Variants in TRABD2B observed in about 807,000 individuals in gnomAD.
The protein encoded by TRABD2B is metalloprotease TIKI2.
In TRABD2B, 14 loss-of-function variants were observed where a neutral mutation model predicts 40.1. The ratio of observed to expected loss-of-function variants is 0.35; its 90% CI spans 0.23 to 0.55. The LOEUF is 0.55. Ranked by LOEUF, TRABD2B falls within the 20% of genes least tolerant of loss-of-function variation. The pLI is 0.90. For missense variants in TRABD2B, 541 were observed against 648.6 expected, an observed-to-expected ratio of 0.83 and a Z score of 1.80; for synonymous variants, 263 against 277.0, an observed-to-expected ratio of 0.95 and a Z score of 0.50.
Position 47,994,049 on chromosome 1 carries a change from C to T in TRABD2B, c.651G>A (p.Gly217=), listed in dbSNP as rs563378045. The T allele has an allele frequency of 2.0e-5, 30 of 1,534,908 alleles. No individual in the cohort carries two copies. In the South Asian group the frequency reaches 3.3e-4, roughly 17 times the overall value. Residue 217 remains glycine, a synonymous_variant, in exon 2 of 7, where the codon GGG becomes GGA. Coordinates refer to ENST00000606738, the MANE Select transcript of TRABD2B (RefSeq NM_001194986.2). This position sits in a 1 kb window ranked among gnomAD's most constrained non-coding sequence, Gnocchi z 6.7. ...GCATGCCTACCTGGGAGAAGTTGAG[C>T]CCGTTGTTGAGGGGATGGCACTGCT... is the stretch of plus-strand genomic sequence containing the variant. ...VEEQCHPLNN[G]LNFSQVLFAL... is the part of the protein sequence containing the mutation.
intron 2 of TRABD2B, among the ~76,000 whole-genome samples, chr1:47,944,301 G>T (rs1200964072): frequency 6.6e-6 from 1 of 152,150 alleles, no homozygotes; most frequent in Admixed American, 6.5e-5. Context: ...AACTCTGGAT[G>T]GTGGTTCTCA....
intron 2 of TRABD2B, among the ~76,000 whole-genome samples, chr1:47,836,991 T>G (rs1645327806): frequency 6.6e-6 from 1 of 152,212 alleles, no homozygotes; most frequent in Non-Finnish European, 1.5e-5. Context: ...TAGGAAACCC[T>G]CTTAATCTGG....
chr1:47,917,131 C>T (rs974372739), intron 2 of TRABD2B, among the ~76,000 whole-genome samples: 16 of 152,196 alleles, frequency 1.1e-4, no homozygotes, highest in African/African-American at 3.6e-4. Flanking sequence ...CACGCAAGGA[C>T]GGGCTCCAGG....
intron 2 of TRABD2B, among the ~76,000 whole-genome samples, chr1:47,947,837 T>C (rs1393949709): frequency 1.3e-5 from 2 of 152,180 alleles, no homozygotes; most frequent in Non-Finnish European, 2.9e-5. Flanking sequence ...CCGCACTTTA[T>C]AGGTGAGGAA....
At chr1:47,901,751 A>C (rs1214393901) in intron 2 of TRABD2B, among the ~76,000 whole-genome samples, 2 of 152,206 alleles carry the variant, frequency 1.3e-5, no homozygotes, top group African/African-American at 4.8e-5. Context: ...TTAACCAGGC[A>C]GGTCTGTGTC....
At chr1:47,819,298 C>G (rs942341711) in intron 2 of TRABD2B, 1 of 152,274 alleles carries the variant, frequency 6.6e-6, no homozygotes, top group Non-Finnish European at 1.5e-5. Context: ...GTGTAAGGAA[C>G]CCCCTGGAAA....
chr1:47,931,319 A>G (rs1191803437), intron 2 of TRABD2B, among the ~76,000 whole-genome samples: 1 of 152,164 alleles, frequency 6.6e-6, no homozygotes, highest in Admixed American at 6.5e-5. Flanking sequence ...CAGGCCCATG[A>G]AGGTATAGCC....
intron 6 of TRABD2B, among the ~76,000 whole-genome samples, chr1:47,771,282 AC>A (rs1462429364): frequency 6.6e-6 from 1 of 152,036 alleles, no homozygotes; most frequent in African/African-American, 2.4e-5. Context: ...GGAAGCTGAG[AC>A]CCAGAGGACA....
chr1:47,862,223 C>G (rs1050433086), intron 2 of TRABD2B, among the ~76,000 whole-genome samples: 4 of 152,086 alleles, frequency 2.6e-5, no homozygotes, highest in Admixed American at 2.0e-4. Flanking sequence ...CTTTTCAACA[C>G]CGTACTGGAA....
intron 2 of TRABD2B, among the ~76,000 whole-genome samples, chr1:47,943,325 T>C (rs976526025): frequency 6.6e-6 from 1 of 152,208 alleles, no homozygotes; most frequent in African/African-American, 2.4e-5. Flanking sequence ...TAATATCAAG[T>C]TATAAAGTGA....
intron 2 of TRABD2B, among the ~76,000 whole-genome samples, chr1:47,845,009 A>C (rs1271130638): frequency 6.6e-6 from 1 of 152,178 alleles, no homozygotes; most frequent in Non-Finnish European, 1.5e-5. Context: ...AGCACCTTCC[A>C]AGACAGGTGG....
chr1:47,872,279 G>C (rs1644153298), intron 2 of TRABD2B, among the ~76,000 whole-genome samples: 1 of 152,144 alleles, frequency 6.6e-6, no homozygotes, highest in Non-Finnish European at 1.5e-5. Flanking sequence ...CTGGGTCATG[G>C]CTCAGGCTTG....
chr1:47,949,227 CTAT>C (rs1301636852), intron 2 of TRABD2B, among the ~76,000 whole-genome samples: 2 of 151,866 alleles, frequency 1.3e-5, no homozygotes, highest in Non-Finnish European at 2.9e-5. Flanking sequence ...GGTGATATGG[CTAT>C]TATTATTCTC....
rs78436931 is a variant in TRABD2B, at chr1:47,937,412, T to C, written c.666+56622A>G. 1.9e-3 allele frequency among the ~76,000 whole-genome samples: 272 copies of C among 145,978 alleles called. 2 individuals carry two copies. Among genetic ancestry groups the C allele is most frequent in the Non-Finnish European group, 3.8e-3 (253 of 66,480 alleles). ...TCATAATCATCACCATCATCACTACTACCATCATGATCATCACCATCATCA... is the reference window on the plus strand; with the variant it reads ...TCATAATCATCACCATCATCACTACCACCATCATGATCATCACCATCATCA... On this transcript the variant is annotated intron_variant, in intron 2 of 6. Coordinates refer to ENST00000606738, the MANE Select transcript of TRABD2B (RefSeq NM_001194986.2).
chr1:47,949,467 G>A (rs1213480540), intron 2 of TRABD2B, among the ~76,000 whole-genome samples: 1 of 146,380 alleles, frequency 6.8e-6, no homozygotes, highest in Non-Finnish European at 1.5e-5. Flanking sequence ...GAGTGCAGTG[G>A]TGCGATCTTG....
chr1:47,992,236 G>A (rs1646022586), intron 2 of TRABD2B, among the ~76,000 whole-genome samples: 1 of 152,180 alleles, frequency 6.6e-6, no homozygotes, highest in African/African-American at 2.4e-5. Context: ...TCAAACATGA[G>A]CTTTGGAGAC....
intron 4 of TRABD2B, among the ~76,000 whole-genome samples, chr1:47,788,999 A>G (rs1644634542): frequency 1.3e-5 from 2 of 152,312 alleles, no homozygotes; most frequent in Admixed American, 1.3e-4. Context: ...GTAAAATTGT[A>G]ATTTTCTTCT....
chr1:47,971,531 G>T (rs1645682311), intron 2 of TRABD2B, among the ~76,000 whole-genome samples: 1 of 152,074 alleles, frequency 6.6e-6, no homozygotes, highest in Non-Finnish European at 1.5e-5. Flanking sequence ...GGTCTACCTT[G>T]TGCCAGGTAG....
chr1:47,921,124 C>T (rs942138111), intron 2 of TRABD2B, among the ~76,000 whole-genome samples: 2 of 152,234 alleles, frequency 1.3e-5, no homozygotes, highest in African/African-American at 4.8e-5. Flanking sequence ...AGAATTTGAT[C>T]TGTGCTTGGT....
Sources: gnomAD v4.1 joint callset for allele counts (sites outside exome capture counted in the v4.1 genomes callset) on GRCh38, gnomAD v4.1.1 for gene constraint, Gnocchi (gnomAD v3.1) non-coding constraint, MANE v1.5 for transcripts, NCBI Gene and HGNC (gene_info 2026-07-23, HGNC 2026-07-21) for gene names.